TMTC2: variants seen among roughly 807,000 people sequenced by gnomAD.
TMTC2 encodes the protein transmembrane O-mannosyltransferase targeting cadherins 2, also known as protein O-mannosyl-transferase TMTC2.
A neutral mutation model predicts 82.4 loss-of-function variants in TMTC2; 43 were observed. That is an observed-to-expected ratio of 0.52 (90% CI 0.41 to 0.67). The LOEUF is 0.67. TMTC2 is among the 30% of genes least tolerant of loss of function. The pLI is 0.00. For missense variants in TMTC2, 919 were observed against 1,012.4 expected, an observed-to-expected ratio of 0.91 and a Z score of 1.25; for synonymous variants, 408 against 381.9, an observed-to-expected ratio of 1.07 and a Z score of -0.80.
At chr12:82,854,995 T>A (rs1396389013) in intron 1 of TMTC2, among the ~76,000 whole-genome samples, 1 of 152,208 alleles carries the variant, frequency 6.6e-6, no homozygotes, top group Admixed American at 6.5e-5. Flanking sequence ...AGAGAGATCA[T>A]TTGCACTAGG....
At chr12:82,973,233 T>C (rs1407683958) in intron 7 of TMTC2, among the ~76,000 whole-genome samples, 1 of 152,192 alleles carries the variant, frequency 6.6e-6, no homozygotes, top group Non-Finnish European at 1.5e-5. Context: ...CCTACGAATA[T>C]GAATATGACC....
chr12:83,130,270 T>C (rs903539014), intron 11 of TMTC2, among the ~76,000 whole-genome samples: 2 of 152,210 alleles, frequency 1.3e-5, no homozygotes, highest in African/African-American at 2.4e-5. Context: ...AATTCAGAAA[T>C]GTGTCCGAGC....
chr12:83,120,035 A>G lies in TMTC2; in HGVS notation c.2332-12175A>G, dbSNP rs576323854. Among the ~76,000 whole-genome samples, 11 of 152,282 alleles carry G rather than the reference A, an allele frequency of 7.2e-5. No individual in the cohort carries two copies. The South Asian group carries it at 8.3e-4, about 11-fold the overall frequency. ...ACCTATGTGAGTCCTGATGTGTTAC[A>G]TGAGTCTCTTGAAGACAGCAGATAG... On this transcript the variant is annotated intron_variant, in intron 11 of 11. Transcript: ENST00000321196.
At chr12:83,037,756 C>A (rs1187641833) in intron 9 of TMTC2, among the ~76,000 whole-genome samples, 2 of 151,836 alleles carry the variant, frequency 1.3e-5, no homozygotes. Context: ...GAAACTTTCC[C>A]ATAACTAAAA....
intron 8 of TMTC2, among the ~76,000 whole-genome samples, chr12:83,006,043 C>G (rs1364171755): frequency 2.6e-5 from 4 of 152,176 alleles, no homozygotes; most frequent in African/African-American, 9.7e-5. Flanking sequence ...TGGGCAGTCC[C>G]CCCTACCAGC....
chr12:82,688,573 C>T (rs796420166), intron 1 of TMTC2, among the ~76,000 whole-genome samples: 8 of 152,256 alleles, frequency 5.3e-5, no homozygotes, highest in African/African-American at 1.9e-4. Flanking sequence ...AATTTGTGTC[C>T]TTCCGGTGTC....
intron 1 of TMTC2, among the ~76,000 whole-genome samples, chr12:82,700,824 A>G (rs1873040864): frequency 6.6e-6 from 1 of 152,178 alleles, no homozygotes; most frequent in Non-Finnish European, 1.5e-5. Flanking sequence ...TGAGTATCTT[A>G]TAAAGAAAAA....
At chr12:82,987,176 C>T (rs867067228) in intron 8 of TMTC2, among the ~76,000 whole-genome samples, 77 of 151,848 alleles carry the variant, frequency 5.1e-4, no homozygotes, top group African/African-American at 1.8e-3. Context: ...AATCATGTAA[C>T]GCTTTAGGGG....
chr12:82,690,094 C>G (rs1284173559), intron 1 of TMTC2, among the ~76,000 whole-genome samples: 1 of 152,184 alleles, frequency 6.6e-6, no homozygotes, highest in Non-Finnish European at 1.5e-5. Context: ...TCAAGTGATT[C>G]ATTGTGAAGT....
chr12:83,024,991 A>G (rs1438120636), intron 8 of TMTC2, among the ~76,000 whole-genome samples: 1 of 152,196 alleles, frequency 6.6e-6, no homozygotes, highest in African/African-American at 2.4e-5. Flanking sequence ...CAGCAGTTCG[A>G]GACTAGCCTG....
chr12:82,707,450 G>A (rs1873416042), intron 1 of TMTC2, among the ~76,000 whole-genome samples: 1 of 152,220 alleles, frequency 6.6e-6, no homozygotes, highest in Non-Finnish European at 1.5e-5. Context: ...ATTCAGGAAA[G>A]GTGGAGCCTC....
intron 3 of TMTC2, among the ~76,000 whole-genome samples, chr12:82,904,418 C>A (rs546120986): frequency 6.6e-6 from 1 of 152,240 alleles, no homozygotes; most frequent in South Asian, 2.1e-4. Context: ...ATGCAAATGA[C>A]GATGAGTAAA....
chr12:83,121,947 C>T (rs1884960958), intron 11 of TMTC2, among the ~76,000 whole-genome samples: 1 of 152,092 alleles, frequency 6.6e-6, no homozygotes, highest in East Asian at 1.9e-4. Flanking sequence ...AGCTGGCAGT[C>T]CCAGGCCTCA....
chr12:83,117,653 C>T (rs1592504450), intron 11 of TMTC2, among the ~76,000 whole-genome samples: 1 of 151,870 alleles, frequency 6.6e-6, no homozygotes, highest in East Asian at 1.9e-4. Context: ...TTTTTGGTTC[C>T]CTGTGAATTT....
intron 1 of TMTC2, among the ~76,000 whole-genome samples, chr12:82,818,628 A>G (rs374377541): frequency 6.6e-6 from 1 of 152,238 alleles, no homozygotes; most frequent in East Asian, 1.9e-4. Flanking sequence ...GACTCTCTGA[A>G]TCTCTCAAAT....
At chr12:82,997,354 A>ATATATATGTGTATATATATATGTG (rs1565845039) in intron 8 of TMTC2, among the ~76,000 whole-genome samples, 6 of 28,912 alleles carry the variant, frequency 2.1e-4, no homozygotes, top group Admixed American at 4.6e-4. Flanking sequence ...GTGTGTATAT[A>ATATATATGTGTATATATATATGTG]TATATATATA....
At chr12:82,769,876 C>T (rs568094034) in intron 1 of TMTC2, among the ~76,000 whole-genome samples, 1 of 152,308 alleles carries the variant, frequency 6.6e-6, no homozygotes, top group South Asian at 2.1e-4. Flanking sequence ...TCCCAAAGTG[C>T]TGGGATTACA....
At chr12:82,894,121 T>C (rs1292010732) in intron 2 of TMTC2, among the ~76,000 whole-genome samples, 1 of 152,136 alleles carries the variant, frequency 6.6e-6, no homozygotes, top group Non-Finnish European at 1.5e-5. Context: ...TTTATTTCCG[T>C]TGGGGAAGTA....
chr12:82,861,030 T>C (rs909055176), intron 2 of TMTC2, among the ~76,000 whole-genome samples: 1 of 152,214 alleles, frequency 6.6e-6, no homozygotes, highest in Non-Finnish European at 1.5e-5. Flanking sequence ...AAAATAATCA[T>C]CTTAAATATC....
Sources: allele counts gnomAD v4.1 joint callset (sites outside exome capture counted in the v4.1 genomes callset), GRCh38; gene constraint gnomAD v4.1.1; transcripts MANE v1.5; gene names NCBI Gene and HGNC (gene_info 2026-07-23, HGNC 2026-07-21).